CASD1: variants seen among roughly 807,000 people sequenced by gnomAD.
CASD1 encodes the protein N-acetylneuraminate (7)9-O-acetyltransferase.
In CASD1, 41 loss-of-function variants were observed where a neutral mutation model predicts 100.0. The observed-to-expected ratio is 0.41, with a 90% CI of 0.32 to 0.53. CASD1 has a LOEUF of 0.53. CASD1 is among the 20% of genes least tolerant of loss of function. The pLI, the probability that CASD1 is intolerant of heterozygous loss-of-function variation, is 0.25. For missense variants in CASD1, 774 were observed against 948.7 expected (o/e 0.82, Z 2.42); for synonymous variants, 321 against 315.6 (o/e 1.02, Z -0.18).
the CASD1 span, among the ~76,000 whole-genome samples, chr7:94,574,976 A>G: frequency 2.3e-4 from 35 of 152,200 alleles, 1 homozygote; most frequent in East Asian, 1.6e-3. Flanking sequence ...TCTCAAAACA[A>G]ACAAACAAAC....
At chr7:94,628,874 C>A in the CASD1 span, 1 of 158,460 alleles carries the variant, frequency 6.3e-6, no homozygotes, top group South Asian at 1.9e-4. Context: ...ATTTATTAAT[C>A]ACAAGCAATA....
the CASD1 span, among the ~76,000 whole-genome samples, chr7:94,633,110 C>T: frequency 2.0e-5 from 3 of 151,964 alleles, no homozygotes; most frequent in Non-Finnish European, 4.4e-5. Flanking sequence ...CAGGGTCTGG[C>T]CTCTCTGTGT....
the CASD1 span, among the ~76,000 whole-genome samples, chr7:94,593,630 C>T: frequency 6.6e-5 from 10 of 152,038 alleles, 1 homozygote; most frequent in South Asian, 2.1e-3. Context: ...TTCTGATTAG[C>T]TCTCATCTCT....
rs147320461 is a variant in CASD1 at position 94,510,115 on chromosome 7, C to T, written c.31C>T (p.Arg11Trp). Reference protein sequence around the residue: MAALAYNLGKREINHYFSVRS... With the variant: MAALAYNLGKWEINHYFSVRS... ...GGCTCTGGCCTACAACCTGGGCAAG[C>T]GGGAGATCAACCACTACTTCAGCGT... The change falls in exon 1 of 18, where the codon CGG (arginine) becomes TGG (tryptophan). Residue 11 changes from arginine to tryptophan, a missense_variant. Arg to Trp is a moderately radical substitution (Grantham distance 101). Coordinates refer to ENST00000297273, the MANE Select transcript of CASD1 (RefSeq NM_022900.5). The T allele has an allele frequency of 5.2e-6, 8 of 1,529,704 alleles. No individual in the cohort carries two copies. Among genetic ancestry groups the T allele is most frequent in the Non-Finnish European group, 6.2e-6 (7 of 1,137,068 alleles). The allele number at this position is 1,529,704 out of a possible 1,614,324, so 94.8% of individuals were successfully genotyped here.
the CASD1 span, chr7:94,627,448 G>A: frequency 6.6e-6 from 1 of 152,092 alleles, no homozygotes; most frequent in African/African-American, 2.4e-5. Context: ...GTACCAGGAT[G>A]GCTTACAGAG....
rs1795176591 is a variant in CASD1 at position 94,537,503 on chromosome 7, A to G, written c.875A>G (p.Asn292Ser). Residue 292 changes from asparagine (N) to serine (S), a missense_variant, in exon 9 of 18, where the codon AAT (asparagine) becomes AGT (serine). This residue lies in a region of CASD1 where 453 missense variants were observed against 532.6 expected (regional missense o/e 0.85). Coordinates refer to ENST00000297273, the MANE Select transcript of CASD1 (RefSeq NM_022900.5). ...ATGATTCTTATGAATGTGTATTGCAATAAGATTTTGAAGCCTGTAGATGGG... is the reference window on the plus strand; with the variant it reads ...ATGATTCTTATGAATGTGTATTGCAGTAAGATTTTGAAGCCTGTAGATGGG... Reference protein sequence around the residue: ...TAMILMNVYCNKILKPVDGSC... With the variant: ...TAMILMNVYCSKILKPVDGSC... The G allele has an allele frequency of 6.2e-7, 1 of 1,610,956 alleles. No individual in the cohort carries two copies. The highest frequency in any genetic ancestry group is 1.1e-5 in the South Asian group (1 of 90,808).
the CASD1 span, chr7:94,585,532 T>C: frequency 6.3e-7 from 1 of 1,586,844 alleles, no homozygotes; most frequent in Non-Finnish European, 8.7e-7. Context: ...TGTGTAAGAA[T>C]GAATATGGGC....
At chr7:94,562,246 C>G in the CASD1 span, among the ~76,000 whole-genome samples, 1 of 152,154 alleles carries the variant, frequency 6.6e-6, no homozygotes. Context: ...TTATATTAGT[C>G]TCATTCTTGA....
chr7:94,535,053 A>C (rs1026565095), intron 7 of CASD1, among the ~76,000 whole-genome samples: 1 of 152,190 alleles, frequency 6.6e-6, no homozygotes, highest in Non-Finnish European at 1.5e-5. Context: ...TATTTCCGCA[A>C]ATCTGTGTAC....
chr7:94,551,127 A>G (rs1166299732), intron 14 of CASD1, among the ~76,000 whole-genome samples: 2 of 152,132 alleles, frequency 1.3e-5, no homozygotes, highest in African/African-American at 4.8e-5. Flanking sequence ...TTGTTCCAAG[A>G]GATGCTTGCT....
intron 14 of CASD1, among the ~76,000 whole-genome samples, chr7:94,550,261 C>G (rs1385849978): frequency 6.6e-6 from 1 of 151,984 alleles, no homozygotes; most frequent in African/African-American, 2.4e-5. Context: ...TTCCTTTTTT[C>G]CTTTCCTTTT....
At chr7:94,576,159 A>G in the CASD1 span, among the ~76,000 whole-genome samples, 14 of 152,034 alleles carry the variant, frequency 9.2e-5, no homozygotes, top group Admixed American at 9.2e-4. Flanking sequence ...CTCAAGCTCC[A>G]TTTATTTACT....
At chr7:94,522,207 GAC>G (rs1483354939) in intron 3 of CASD1, among the ~76,000 whole-genome samples, 1 of 152,042 alleles carries the variant, frequency 6.6e-6, no homozygotes, top group Non-Finnish European at 1.5e-5. Flanking sequence ...TGCTTAAAAA[GAC>G]ATATTTAAAA....
chr7:94,567,750 A>G, the CASD1 span, among the ~76,000 whole-genome samples: 1 of 152,138 alleles, frequency 6.6e-6, no homozygotes, highest in African/African-American at 2.4e-5. Flanking sequence ...ATAAATTTAG[A>G]TGGTTCAAAA....
Position 94,510,031 on chromosome 7 carries a change from T to C in CASD1, c.-54T>C. The C allele has an allele frequency of 1.4e-6, 2 of 1,452,710 alleles. No homozygotes were observed. The highest frequency in any genetic ancestry group is 2.3e-5 in the Admixed American group (1 of 43,414). The allele number at this position is 1,452,710 out of a possible 1,614,324, so 90.0% of individuals were successfully genotyped here. Reference sequence around the variant, plus strand: ...GCGGCGGCAGCCCCAGTGCTGCCCCTGTGCGGCGCCCCTTTCCCGCTCCGC... The same window carrying C: ...GCGGCGGCAGCCCCAGTGCTGCCCCCGTGCGGCGCCCCTTTCCCGCTCCGC... On this transcript the variant is annotated 5_prime_UTR_variant, in exon 1 of 18. Coordinates refer to ENST00000297273, the MANE Select transcript of CASD1 (RefSeq NM_022900.5).
At chr7:94,527,719 G>A (rs1241450379) in intron 4 of CASD1, among the ~76,000 whole-genome samples, 1 of 152,138 alleles carries the variant, frequency 6.6e-6, no homozygotes, top group Non-Finnish European at 1.5e-5. Flanking sequence ...TGAGCATTAT[G>A]GACAGAAGGA....
the CASD1 span, among the ~76,000 whole-genome samples, chr7:94,595,195 C>T: frequency 6.6e-6 from 1 of 152,074 alleles, no homozygotes; most frequent in Non-Finnish European, 1.5e-5. Context: ...AAACATTCTA[C>T]CAAAAAGAAA....
intron 7 of CASD1, 73 bp from the exon 8 acceptor site, chr7:94,535,236 T>A: frequency 9.2e-7 from 1 of 1,087,500 alleles, no homozygotes; most frequent in South Asian, 1.3e-5. Flanking sequence ...GTGGAACAGC[T>A]AACTTGCATG....
intron 3 of CASD1, among the ~76,000 whole-genome samples, chr7:94,521,119 A>G (rs1332962282): frequency 6.6e-6 from 1 of 152,166 alleles, no homozygotes; most frequent in Non-Finnish European, 1.5e-5. Context: ...TAGTAGCATT[A>G]AAGTTCTGAA....
Sources: gnomAD v4.1 joint callset for allele counts (sites outside exome capture counted in the v4.1 genomes callset) on GRCh38, gnomAD v4.1.1 for gene constraint, gnomAD v4.1.1 regional missense constraint, MANE v1.5 for transcripts, NCBI Gene and HGNC (gene_info 2026-07-23, HGNC 2026-07-21) for gene names.